Variants in NPHS1 observed in about 807,000 individuals in gnomAD.
NPHS1 encodes NPHS1 adhesion molecule, nephrin.
A neutral mutation model predicts 139.7 loss-of-function variants in NPHS1; 107 were observed. The observed-to-expected ratio is 0.77, with a 90% CI of 0.66 to 0.90. NPHS1 has a LOEUF of 0.90. Ranked by LOEUF, NPHS1 falls within the 40% of genes least tolerant of loss-of-function variation. NPHS1 has a pLI of 0.00. For synonymous variants in NPHS1, 707 were observed against 706.6 expected (o/e 1.00, Z -0.01); for missense variants, 1,580 against 1,654.2 (o/e 0.96, Z 0.78).
intron 16 of NPHS1, 46 bp from the exon 17 acceptor site, chr19:35,843,639 G>A (rs759545924): frequency 1.2e-6 from 2 of 1,608,356 alleles, no homozygotes; most frequent in Non-Finnish European, 1.7e-6. Context: ...GCCCAGACAG[G>A]TCTGGGTGTG....
In NPHS1 at chr19:35,839,234, C is replaced by A. The variant is rs199888357; in HGVS notation, c.3109+3G>T. ...TCCAACCTGCCCAAGCCTCCCTTCC[C>A]ACCTGGGGTAGTGATGGGAAGCTGG... On this transcript the variant is annotated splice_donor_region_variant and intron_variant, in intron 22 of 28. Coordinates refer to ENST00000378910, the MANE Select transcript of NPHS1 (RefSeq NM_004646.4). 274 of 1,614,156 alleles carry A rather than the reference C, an allele frequency of 1.7e-4. No individual in the cohort carries two copies. The African/African-American group carries it at 3.3e-3, about 19-fold the overall frequency.
chr19:35,834,307 A>G (rs1159218883), intron 23 of NPHS1, among the ~76,000 whole-genome samples: 1 of 152,154 alleles, frequency 6.6e-6, no homozygotes, highest in Non-Finnish European at 1.5e-5. Flanking sequence ...CAAGAGCCAG[A>G]TGACTATCAG....
At position 35,831,761 on chromosome 19, in the gene NPHS1, T is replaced by C. The variant is rs368616313; in HGVS notation, c.3168A>G (p.Gly1056=). The C allele has an allele frequency of 3.8e-6, 6 of 1,565,140 alleles. 1 individual carries two copies. The Middle Eastern group carries it at 6.3e-4, about 164-fold the overall frequency. ...EDQLPTEPPS[G]PSGLPLLPVL... ...CAGGCAGCAGGGGCAGCCCCGAGGG[T>C]CCTAGGGGTGGAAGATACCCCTCAG... Residue 1056 remains glycine (G), a splice_region_variant and synonymous_variant, in exon 24 of 29, where the codon GGA becomes GGG. Transcript: ENST00000378910.
At chr19:35,850,256 C>T in intron 5 of NPHS1, 108 bp downstream of exon 5, 1 of 849,070 alleles carries the variant, frequency 1.2e-6, no homozygotes, top group South Asian at 1.4e-5. Context: ...AGAATTGGGT[C>T]CCAGATGTTC....
At position 35,851,831 on chromosome 19, in the gene NPHS1, G is replaced by T. The variant is rs756995769; in HGVS notation, c.7C>A (p.Leu3Met). 5.0e-5 allele frequency: 78 copies of T among 1,551,482 alleles called. No homozygotes were observed. The highest frequency in any genetic ancestry group is 6.5e-5 in the Non-Finnish European group (75 of 1,147,250). MA[L>M]GTTLRASLLL... Reference sequence around the variant, plus strand: ...AGAGAAGCCCTGAGCGTCGTCCCCAGGGCCATCACAGGTCCCCCTACTGTG... The same window carrying T: ...AGAGAAGCCCTGAGCGTCGTCCCCATGGCCATCACAGGTCCCCCTACTGTG... The change falls in exon 1 of 29, where the codon CTG becomes ATG. Residue 3 changes from leucine (L) to methionine (M), a missense_variant. By Grantham distance (15) the Leu-to-Met change is conservative (BLOSUM62 2). Coordinates refer to ENST00000378910, the MANE Select transcript of NPHS1 (RefSeq NM_004646.4).
In NPHS1 at chr19:35,849,340, C is replaced by A. The variant is rs386833959; in HGVS notation, c.736G>T (p.Glu246Ter). ...TGCCCCTCATCCAGGCCTGGCCACT[C>A]GATGACAGGGGGTCCTGGAGGGACT... is the stretch of plus-strand genomic sequence containing the variant. The part of the protein sequence containing the change: ...VLFPPGPPVI[E>*]WPGLDEGHVR... The change falls in exon 7 of 29, where the codon GAG (glutamate) becomes TAG (stop). Residue 246 changes from glutamate (E) to a stop codon, truncating the protein, a stop_gained. Transcript: ENST00000378910. LOFTEE classifies it high-confidence loss of function. 12 of 1,612,622 alleles carry A rather than the reference C, an allele frequency of 7.4e-6. No homozygotes were observed. The highest frequency in any genetic ancestry group is 8.5e-6 in the Non-Finnish European group (10 of 1,179,912).
intron 17 of NPHS1, among the ~76,000 whole-genome samples, chr19:35,842,999 C>A (rs1481124890): frequency 6.6e-6 from 1 of 152,076 alleles, no homozygotes; most frequent in Non-Finnish European, 1.5e-5. Flanking sequence ...AGACATTTAC[C>A]CAGCTACCTA....
chr19:35,848,191 A>G lies in NPHS1; in HGVS notation c.1316-26T>C, dbSNP rs779104005. ...CTGGCGGGGAGAGGAAGGAAGAATG[A>G]CTTTTTCTCTGTGCTGGGTCCTGAG... On this transcript the variant is annotated intron_variant, in intron 10 of 28. Coordinates refer to ENST00000378910, the MANE Select transcript of NPHS1 (RefSeq NM_004646.4). 12 of 1,613,864 alleles carry G rather than the reference A, an allele frequency of 7.4e-6. No individual in the cohort carries two copies. In the South Asian group the frequency reaches 1.2e-4, roughly 16 times the overall value.
At position 35,845,936 on chromosome 19, in the gene NPHS1, C is replaced by A; in HGVS notation, c.1627+72G>T. ...GCCCGCTTTCCCCGGGTCCAGGGTTCGCTGGGTCCCTGCCCCACCTGGCTC... is the reference window on the plus strand; with the variant it reads ...GCCCGCTTTCCCCGGGTCCAGGGTTAGCTGGGTCCCTGCCCCACCTGGCTC... On this transcript the variant is annotated intron_variant, in intron 12 of 28. Transcript: ENST00000378910. This position sits in a 1 kb window ranked among gnomAD's most constrained non-coding sequence, Gnocchi z 5.5. 6.5e-7 allele frequency: 1 copy of A among 1,528,394 alleles called. No homozygotes were observed. Among genetic ancestry groups the A allele is most frequent in the South Asian group, 1.2e-5 (1 of 82,514 alleles). The allele number at this position is 1,528,394 out of a possible 1,614,324, so 94.7% of individuals were successfully genotyped here. A position where few individuals can be genotyped will look rare whatever the true frequency, so the allele number is the denominator to read the frequency against.
intron 20 of NPHS1, 75 bp from the exon 21 acceptor site, chr19:35,839,682 G>A (rs373661965): frequency 8.2e-7 from 1 of 1,214,194 alleles, no homozygotes; most frequent in Non-Finnish European, 1.2e-6. Context: ...GTTTTCCCTA[G>A]GAATGATTTT....
In NPHS1 at chr19:35,839,191, A is replaced by T. The variant is rs748442712; in HGVS notation, c.3109+46T>A. On this transcript the variant is annotated intron_variant, in intron 22 of 28. Transcript: ENST00000378910. ...TATTGACTTCACCATACTACCCTAC[A>T]CATCCTCTGAGGAATACTCCAACCT... is the stretch of plus-strand genomic sequence containing the variant. 5 of 1,577,462 alleles carry T rather than the reference A, an allele frequency of 3.2e-6. No homozygotes were observed. In the South Asian group the frequency reaches 4.4e-5, roughly 14 times the overall value.
chr19:35,826,339 A>AC lies in NPHS1; in HGVS notation c.*174dup. On this transcript the variant is annotated 3_prime_UTR_variant, in exon 29 of 29. Transcript: ENST00000378910. ...CAACCCCAGGATGCACCTTGTTTCTACTCTGGTACCAGCTGAACCATCTCT... is the reference window on the plus strand; with the variant it reads ...CAACCCCAGGATGCACCTTGTTTCTACCTCTGGTACCAGCTGAACCATCTCT... 1.4e-6 allele frequency: 1 copy of AC among 695,960 alleles called. No homozygotes were observed. The highest frequency in any genetic ancestry group is 2.5e-6 in the Non-Finnish European group (1 of 405,404). 43.1% of individuals were successfully genotyped at this position (695,960 alleles called of 1,614,324 possible). A position where few individuals can be genotyped will look rare whatever the true frequency, so the allele number is the denominator to read the frequency against.
In NPHS1 at chr19:35,825,481, C is replaced by G. The variant is rs962107353; in HGVS notation, c.*1033G>C. Among the ~76,000 whole-genome samples the G allele has an allele frequency of 9.2e-5, 14 of 152,044 alleles. No homozygotes were observed. Among genetic ancestry groups the G allele is most frequent in the Non-Finnish European group, 1.5e-4 (10 of 68,010 alleles). ...TGACAAATCTGTGCACCCGTGCAAC[C>G]ACCACCACAATCGTTATATAGAATA... On this transcript the variant is annotated 3_prime_UTR_variant, in exon 29 of 29. Coordinates refer to ENST00000378910, the MANE Select transcript of NPHS1 (RefSeq NM_004646.4).
In NPHS1 at chr19:35,851,845, C is replaced by T; in HGVS notation, c.-8G>A. 6.4e-7 allele frequency: 1 copy of T among 1,550,512 alleles called. No individual in the cohort carries two copies. Among genetic ancestry groups the T allele is most frequent in the Non-Finnish European group, 8.7e-7 (1 of 1,146,618 alleles). On this transcript the variant is annotated 5_prime_UTR_variant, in exon 1 of 29. Transcript: ENST00000378910. ...CGTCGTCCCCAGGGCCATCACAGGT[C>T]CCCCTACTGTGACCCCCACAGCGCC...
chr19:35,849,683 A>G, intron 5 of NPHS1, 30 bp from the exon 6 acceptor site: 1 of 1,542,518 alleles, frequency 6.5e-7, no homozygotes, highest in South Asian at 1.1e-5. Flanking sequence ...TTATAGAGTC[A>G]GAGTCATCAT....
Position 35,845,971 on chromosome 19 carries a change from C to A in NPHS1, c.1627+37G>T. On this transcript the variant is annotated intron_variant, in intron 12 of 28. Transcript: ENST00000378910. The surrounding 1 kb of genome is among the most constrained non-coding windows in gnomAD (Gnocchi z 5.5). ...CTGCCCCACCTGGCTCTGTCCCTCC[C>A]GCCCCGCCCCCGGGCCTCAGCAGTG... 6.5e-7 allele frequency: 1 copy of A among 1,541,668 alleles called. No homozygotes were observed. Among genetic ancestry groups the A allele is most frequent in the South Asian group, 1.2e-5 (1 of 84,038 alleles).
At chr19:35,841,644 G>A in intron 20 of NPHS1, 71 bp downstream of exon 20, 2 of 1,579,252 alleles carry the variant, frequency 1.3e-6, no homozygotes, top group Non-Finnish European at 1.7e-6. Flanking sequence ...GGGCAGCCCA[G>A]GGCCAATCAG....
At chr19:35,839,746 T>C in intron 20 of NPHS1, 139 bp from the exon 21 acceptor site, 1 of 727,410 alleles carries the variant, frequency 1.4e-6, no homozygotes, top group Non-Finnish European at 2.4e-6. Context: ...TGTAAGGTCA[T>C]GGTGAACACT....
intron 23 of NPHS1, among the ~76,000 whole-genome samples, chr19:35,833,427 G>A (rs958064296): frequency 2.0e-5 from 3 of 152,280 alleles, no homozygotes; most frequent in Middle Eastern, 3.4e-3. Context: ...TGGAAAATAA[G>A]AGTCTCCATT....
Sources: gnomAD v4.1 joint callset for allele counts (sites outside exome capture counted in the v4.1 genomes callset) on GRCh38, gnomAD v4.1.1 for gene constraint, Gnocchi (gnomAD v3.1) non-coding constraint, MANE v1.5 for transcripts, NCBI Gene and HGNC (gene_info 2026-07-23, HGNC 2026-07-21) for gene names.